The following SHC4 variants were observed in gnomAD, a reference collection of about 807,000 sequenced individuals.
SHC4 encodes the protein SHC-transforming protein 4.
In SHC4, 41 loss-of-function variants were observed where a neutral mutation model predicts 69.4. That is an observed-to-expected ratio of 0.59 (90% CI 0.46 to 0.77). SHC4 has a LOEUF of 0.77. Ranked by LOEUF, SHC4 falls within the 30% of genes least tolerant of loss-of-function variation. The probability of loss-of-function intolerance (pLI) is 0.00; values close to 1 mark genes in which losing one functional copy is unlikely to be tolerated. For missense variants in SHC4, 777 were observed against 783.8 expected (o/e 0.99, Z 0.10); for synonymous variants, 318 against 299.3 (o/e 1.06, Z -0.64).
intron 1 of SHC4, among the ~76,000 whole-genome samples, chr15:48,928,645 G>A (rs753864415): frequency 4.6e-5 from 7 of 152,100 alleles, no homozygotes; most frequent in African/African-American, 1.7e-4. Context: ...CCACGGTGTC[G>A]TTCTTAATCA....
chr15:48,841,628 T>C (rs899374024), intron 10 of SHC4, among the ~76,000 whole-genome samples: 8 of 152,206 alleles, frequency 5.3e-5, no homozygotes, highest in African/African-American at 1.7e-4. Context: ...ACAGACCACA[T>C]GGGCTTTTTG....
At chr15:48,924,023 T>C (rs748993055) in intron 2 of SHC4, among the ~76,000 whole-genome samples, 2 of 152,086 alleles carry the variant, frequency 1.3e-5, no homozygotes, top group Non-Finnish European at 2.9e-5. Context: ...GACCACAGGA[T>C]ACTTCTTTTT....
At chr15:48,878,235 A>T in intron 4 of SHC4, 1 of 1,609,046 alleles carries the variant, frequency 6.2e-7, no homozygotes, top group Non-Finnish European at 8.5e-7. Flanking sequence ...CTGCAGATGG[A>T]TGTGATGCCT....
At chr15:48,874,346 C>T (rs1034334009) in intron 4 of SHC4, among the ~76,000 whole-genome samples, 5 of 152,200 alleles carry the variant, frequency 3.3e-5, no homozygotes, top group African/African-American at 9.6e-5. Flanking sequence ...AGAACTAGAG[C>T]AGGGGCTCCC....
At chr15:48,874,141 T>C (rs565486881) in intron 4 of SHC4, among the ~76,000 whole-genome samples, 3 of 152,242 alleles carry the variant, frequency 2.0e-5, no homozygotes, top group Admixed American at 6.5e-5. Flanking sequence ...AAAGAATAAA[T>C]GCACAAGAAG....
intron 2 of SHC4, among the ~76,000 whole-genome samples, chr15:48,913,469 A>C (rs1401054646): frequency 6.6e-6 from 1 of 152,002 alleles, no homozygotes; most frequent in Admixed American, 6.6e-5. Flanking sequence ...CCCCCAGTCC[A>C]TTTCTAGATG....
intron 1 of SHC4, among the ~76,000 whole-genome samples, chr15:48,937,670 G>A (rs905485124): frequency 6.6e-6 from 1 of 152,094 alleles, no homozygotes; most frequent in African/African-American, 2.4e-5. Context: ...TCCATATCAT[G>A]AAGAGAAAGA....
intron 4 of SHC4, among the ~76,000 whole-genome samples, chr15:48,873,518 G>C (rs1370165391): frequency 1.3e-5 from 2 of 152,246 alleles, no homozygotes; most frequent in East Asian, 3.8e-4. Context: ...GCCGTGGCGG[G>C]CGGATCATGA....
intron 1 of SHC4, among the ~76,000 whole-genome samples, chr15:48,937,311 C>T (rs1171857159): frequency 6.6e-6 from 1 of 152,156 alleles, no homozygotes. Context: ...AATTCTCTCA[C>T]CTTGGCCTCC....
intron 1 of SHC4, among the ~76,000 whole-genome samples, chr15:48,930,249 T>C (rs1396281260): frequency 6.6e-6 from 1 of 152,264 alleles, no homozygotes; most frequent in Non-Finnish European, 1.5e-5. Context: ...TACAAATAAG[T>C]GTAAACATAT....
intron 6 of SHC4, among the ~76,000 whole-genome samples, chr15:48,864,549 A>G (rs200639635): frequency 3.0e-5 from 4 of 134,320 alleles, no homozygotes; most frequent in Non-Finnish European, 1.5e-5. Flanking sequence ...CCGGGTTCAC[A>G]CCATTCTCCT....
At chr15:48,948,059 A>G (rs1329151260) in intron 1 of SHC4, 2 of 152,254 alleles carry the variant, frequency 1.3e-5, no homozygotes, top group Non-Finnish European at 2.9e-5. Flanking sequence ...GTTTCATCTC[A>G]TGAATACACA....
intron 4 of SHC4, chr15:48,879,157 C>T (rs1192204385): frequency 5.7e-6 from 1 of 174,302 alleles, no homozygotes; most frequent in African/African-American, 2.4e-5. Flanking sequence ...ATGTATCCAA[C>T]TAGGACACAT....
chr15:48,862,499 G>A (rs956216882), intron 6 of SHC4, among the ~76,000 whole-genome samples: 14 of 152,118 alleles, frequency 9.2e-5, no homozygotes, highest in African/African-American at 3.4e-4. Flanking sequence ...GGAAAAAGTG[G>A]GAACTGCCCT....
intron 2 of SHC4, among the ~76,000 whole-genome samples, chr15:48,913,131 C>T (rs775168987): frequency 6.6e-6 from 1 of 151,602 alleles, no homozygotes; most frequent in South Asian, 2.1e-4. Context: ...AGAGAGGAGC[C>T]CTTAGTGTGT....
In SHC4 at chr15:48,933,561, A is replaced by G. The variant is rs546225023; in HGVS notation, c.586-8612T>C. ...AAATCTCAGATGGCTTCTTTGTACA[A>G]ATTGACAAACTGATCCTAAAATTCA... On this transcript the variant is annotated intron_variant, in intron 1 of 11. Transcript: ENST00000332408. 2.0e-5 allele frequency among the ~76,000 whole-genome samples: 3 copies of G among 152,310 alleles called. No individual in the cohort carries two copies. The South Asian group carries it at 6.2e-4, about 32-fold the overall frequency.
At chr15:48,835,081 T>G in intron 10 of SHC4, 59 bp from the exon 11 acceptor site, 1 of 1,527,976 alleles carries the variant, frequency 6.5e-7, no homozygotes, top group Non-Finnish European at 8.8e-7. Context: ...ATCCATTCAT[T>G]CATTTATTCA....
At chr15:48,882,755 A>G (rs1899968115) in intron 4 of SHC4, among the ~76,000 whole-genome samples, 1 of 152,220 alleles carries the variant, frequency 6.6e-6, no homozygotes, top group African/African-American at 2.4e-5. Flanking sequence ...GTGAGATCTC[A>G]TAACTAAAAG....
intron 2 of SHC4, among the ~76,000 whole-genome samples, chr15:48,924,275 T>A (rs974691032): frequency 6.6e-6 from 1 of 152,158 alleles, no homozygotes. Flanking sequence ...ACTCACTCCT[T>A]CTTTCCGTCC....
Sources: gnomAD v4.1 joint callset for allele counts (sites outside exome capture counted in the v4.1 genomes callset) on GRCh38, gnomAD v4.1.1 for gene constraint, MANE v1.5 for transcripts, NCBI Gene and HGNC (gene_info 2026-07-23, HGNC 2026-07-21) for gene names.